Variants in HIVEP1 observed in about 807,000 individuals in gnomAD.
HIVEP1 encodes zinc finger protein 40.
In HIVEP1, 36 loss-of-function variants were observed where a neutral mutation model predicts 180.0. That is an observed-to-expected ratio of 0.20 (90% CI 0.15 to 0.26). HIVEP1 has a LOEUF of 0.26. HIVEP1 is among the 10% of genes least tolerant of loss of function. The pLI is 1.00. For synonymous variants in HIVEP1, 1,239 were observed against 1,239.0 expected (o/e 1.00, Z 0.00); for missense variants, 3,143 against 3,268.7 (o/e 0.96, Z 0.94).
rs539555538 is a variant in HIVEP1 at position 12,161,790 on chromosome 6, G to A, written c.6839G>A (p.Arg2280His). ...KTLSPGKARQ[R>H]AARDENDTIP... Reference sequence around the variant, plus strand: ...CTCTCTCCGGGGAAGGCCAGGCAGCGTGCTGCGAGAGATGAAAACGACACA... The same window carrying A: ...CTCTCTCCGGGGAAGGCCAGGCAGCATGCTGCGAGAGATGAAAACGACACA... The change falls in exon 8 of 9, where the codon CGT becomes CAT. Residue 2280 changes from arginine (R) to histidine (H), a missense_variant. Transcript: ENST00000379388. 39 of 1,614,172 alleles carry A rather than the reference G, an allele frequency of 2.4e-5. No homozygotes were observed. In the South Asian group the frequency reaches 3.5e-4, roughly 15 times the overall value.
the HIVEP1 span, among the ~76,000 whole-genome samples, chr6:12,211,415 GAA>G: frequency 2.7e-4 from 9 of 33,694 alleles, no homozygotes; most frequent in Admixed American, 1.4e-3. Flanking sequence ...AAAAAAAAAA[GAA>G]AAAGAAAAAA....
chr6:12,167,053 T>C (rs4236065), downstream of HIVEP1, among the ~76,000 whole-genome samples: 25,748 of 143,956 alleles, frequency 0.18, 2,858 homozygotes, highest in Non-Finnish European at 0.26. Flanking sequence ...GCCAAAATGA[T>C]AATTATTTCT....
chr6:12,159,170 T>C (rs1760245023), intron 7 of HIVEP1, among the ~76,000 whole-genome samples: 1 of 152,042 alleles, frequency 6.6e-6, no homozygotes, highest in African/African-American at 2.4e-5. Flanking sequence ...AAAAAGTTAA[T>C]AAGTTTAAAG....
intron 2 of HIVEP1, among the ~76,000 whole-genome samples, chr6:12,018,243 G>T (rs935900657): frequency 1.3e-5 from 2 of 152,218 alleles, no homozygotes; most frequent in Non-Finnish European, 2.9e-5. Flanking sequence ...GCCACGCGCG[G>T]CCCCCGTTCC....
At chr6:12,148,288 C>T (rs1455715144) in intron 7 of HIVEP1, among the ~76,000 whole-genome samples, 2 of 152,176 alleles carry the variant, frequency 1.3e-5, no homozygotes, top group African/African-American at 4.8e-5. Flanking sequence ...CCCCCTGCAT[C>T]CTCTTCACAC....
intron 4 of HIVEP1, among the ~76,000 whole-genome samples, chr6:12,127,689 A>G (rs1317563619): frequency 1.3e-5 from 2 of 152,226 alleles, no homozygotes; most frequent in Non-Finnish European, 2.9e-5. Flanking sequence ...GATCACTACT[A>G]TTTAAAAAGT....
chr6:12,087,286 A>G (rs1017470549), intron 2 of HIVEP1, among the ~76,000 whole-genome samples: 8 of 152,142 alleles, frequency 5.3e-5, no homozygotes, highest in African/African-American at 7.2e-5. Flanking sequence ...CCAAACTTCA[A>G]TTACTTAACA....
Position 12,121,417 on chromosome 6 carries a change from T to G in HIVEP1, c.1622T>G (p.Val541Gly). The change falls in exon 4 of 9, where the codon GTG becomes GGG. Residue 541 changes from valine to glycine, a missense_variant. This residue lies in a region of HIVEP1 where 365 missense variants were observed against 344.4 expected (regional missense o/e 1.06). Transcript: ENST00000379388. The surrounding 1 kb of genome is among the most constrained non-coding windows in gnomAD (Gnocchi z 5.3). The stretch of plus-strand genomic sequence containing the variant: ...TTCACTCCAAGCAGTCCAGAAAATG[T>G]GATAGGTGACTTTTTGCTACAGGAC... ...SSFTPSSPEN[V>G]IGDFLLQDRS... 1 of 1,614,156 alleles carries G rather than the reference T, an allele frequency of 6.2e-7. No homozygotes were observed. The highest frequency in any genetic ancestry group is 2.2e-5 in the East Asian group (1 of 44,878).
At chr6:12,045,721 C>T (rs894066529) in intron 2 of HIVEP1, among the ~76,000 whole-genome samples, 6 of 152,178 alleles carry the variant, frequency 3.9e-5, no homozygotes, top group Admixed American at 2.0e-4. Context: ...ACATAAATGC[C>T]TCTGGTGACA....
the HIVEP1 span, among the ~76,000 whole-genome samples, chr6:12,176,631 T>C: frequency 6.6e-6 from 1 of 152,194 alleles, no homozygotes; most frequent in East Asian, 1.9e-4. Context: ...AAGAAAGCGA[T>C]GTCCAAAGAG....
At position 12,121,140 on chromosome 6, in the gene HIVEP1, C is replaced by A; in HGVS notation, c.1345C>A (p.Leu449Met). The A allele has an allele frequency of 6.2e-7, 1 of 1,614,162 alleles. No individual in the cohort carries two copies. The highest frequency in any genetic ancestry group is 8.5e-7 in the Non-Finnish European group (1 of 1,180,030). ...ATTTTCATTTAAGACTAAAAGTAAT[C>A]TGTATAAGCACAAGAAATCCCACGC... ...CGFSFKTKSN[L>M]YKHKKSHAHT... Residue 449 changes from leucine to methionine, a missense_variant, in exon 4 of 9, where the codon CTG (leucine) becomes ATG (methionine). Transcript: ENST00000379388. The surrounding 1 kb of genome is among the most constrained non-coding windows in gnomAD (Gnocchi z 5.3).
At chr6:12,168,416 A>G (rs1360240373), downstream of HIVEP1, among the ~76,000 whole-genome samples, 2 of 143,114 alleles carry the variant, frequency 1.4e-5, no homozygotes, top group East Asian at 4.0e-4. Context: ...AATATATTTT[A>G]GTGGCAATAA....
At chr6:12,195,219 A>G in the HIVEP1 span, among the ~76,000 whole-genome samples, 1 of 152,244 alleles carries the variant, frequency 6.6e-6, no homozygotes, top group Non-Finnish European at 1.5e-5. Flanking sequence ...TCTAGCTACT[A>G]GACGAGTTCC....
intron 3 of HIVEP1, among the ~76,000 whole-genome samples, chr6:12,113,554 A>G (rs1775036248): frequency 6.6e-6 from 1 of 152,034 alleles, no homozygotes; most frequent in African/African-American, 2.4e-5. Flanking sequence ...TTGCATGAGG[A>G]ATGGGAAGAA....
In HIVEP1 at chr6:12,121,447, C is replaced by A. The variant is rs1240265613; in HGVS notation, c.1652C>A (p.Ser551Tyr). 4.3e-6 allele frequency: 7 copies of A among 1,614,038 alleles called. No individual in the cohort carries two copies. Among genetic ancestry groups the A allele is most frequent in the African/African-American group, 1.3e-5 (1 of 74,924 alleles). Reference protein sequence around the residue: ...VIGDFLLQDRSAESQAVTELP... With the variant: ...VIGDFLLQDRYAESQAVTELP... ...GGTGACTTTTTGCTACAGGACAGAT[C>A]TGCAGAATCACAAGCTGTGACAGAG... Residue 551 changes from serine to tyrosine, a missense_variant, in exon 4 of 9, where the codon TCT (serine) becomes TAT (tyrosine). By Grantham distance (144) the Ser-to-Tyr change is moderately radical (BLOSUM62 -2). Transcript: ENST00000379388. This position sits in a 1 kb window ranked among gnomAD's most constrained non-coding sequence, Gnocchi z 5.3.
At chr6:12,051,001 C>CATATATATATAT (rs1161977899) in intron 2 of HIVEP1, among the ~76,000 whole-genome samples, 8,232 of 77,016 alleles carry the variant, frequency 0.11, 863 homozygotes, top group Non-Finnish European at 0.12. Context: ...TACACAAGTG[C>CATATATATATAT]ATATATATAT....
At chr6:12,088,966 T>G (rs1392220066) in intron 2 of HIVEP1, among the ~76,000 whole-genome samples, 3 of 152,170 alleles carry the variant, frequency 2.0e-5, no homozygotes, top group Non-Finnish European at 4.4e-5. Flanking sequence ...ATGGAAACAT[T>G]TATTAATTGG....
rs527910868 is a variant in HIVEP1, at chr6:12,041,007, A to G, written c.40+25339A>G. On this transcript the variant is annotated intron_variant, in intron 2 of 8. Transcript: ENST00000379388. ...CCCCACCTCCAGCATTGGGCATTAC[A>G]ATACAACATGAGATTTGGGTTGGGA... 2.0e-5 allele frequency among the ~76,000 whole-genome samples: 3 copies of G among 152,204 alleles called. No homozygotes were observed. The East Asian group carries it at 5.8e-4, about 29-fold the overall frequency.
At chr6:12,066,115 A>G (rs572398184) in intron 2 of HIVEP1, among the ~76,000 whole-genome samples, 1 of 152,156 alleles carries the variant, frequency 6.6e-6, no homozygotes, top group African/African-American at 2.4e-5. Flanking sequence ...CCTAAAAGGC[A>G]GTGTTGTTCA....
Sources: allele counts gnomAD v4.1 joint callset (sites outside exome capture counted in the v4.1 genomes callset), GRCh38; gene constraint gnomAD v4.1.1; regional missense constraint gnomAD v4.1.1; non-coding constraint Gnocchi (gnomAD v3.1); transcripts MANE v1.5; gene names NCBI Gene and HGNC (gene_info 2026-07-23, HGNC 2026-07-21).